The following PAPOLG variants were observed in gnomAD, a reference collection of about 807,000 sequenced individuals.
The protein encoded by PAPOLG is PAP-gamma.
Under a neutral mutation model 99.0 loss-of-function variants are expected in PAPOLG, and 40 were observed. The observed-to-expected ratio is 0.40, with a 90% confidence interval of 0.31 to 0.53. PAPOLG has a LOEUF of 0.53. PAPOLG is among the 20% of genes least tolerant of loss of function. PAPOLG has a pLI of 0.41. For missense variants in PAPOLG, 675 were observed against 884.1 expected (o/e 0.76, Z 3.00); for synonymous variants, 310 against 299.3 (o/e 1.04, Z -0.37).
At chr2:60,778,556 C>T (rs1467645030) in intron 8 of PAPOLG, among the ~76,000 whole-genome samples, 1 of 151,964 alleles carries the variant, frequency 6.6e-6, no homozygotes, top group African/African-American at 2.4e-5. Context: ...GCACAACTCT[C>T]AGTATACTAA....
chr2:60,760,053 T>C, intron 1 of PAPOLG, 81 bp from the exon 2 acceptor site: 2 of 1,374,258 alleles, frequency 1.5e-6, no homozygotes. Context: ...TAAATTAACA[T>C]GAGTAGATTG....
chr2:60,764,809 T>C (rs1420510709), intron 3 of PAPOLG, among the ~76,000 whole-genome samples: 1 of 152,204 alleles, frequency 6.6e-6, no homozygotes, highest in African/African-American at 2.4e-5. Context: ...AACAGTGGGC[T>C]CAGAATAAAG....
chr2:60,779,856 A>G (rs1312724937), intron 9 of PAPOLG, 81 bp downstream of exon 9: 16 of 1,213,636 alleles, frequency 1.3e-5, no homozygotes, highest in East Asian at 2.4e-5. Context: ...AGAGCTATAC[A>G]TAGACTTTTT....
At chr2:60,760,690 C>T (rs1174258928) in intron 2 of PAPOLG, among the ~76,000 whole-genome samples, 1 of 152,120 alleles carries the variant, frequency 6.6e-6, no homozygotes, top group Non-Finnish European at 1.5e-5. Flanking sequence ...GCAAGATACC[C>T]TGGGTGTCTG....
chr2:60,781,083 T>C (rs1671173619), intron 10 of PAPOLG, among the ~76,000 whole-genome samples: 1 of 152,176 alleles, frequency 6.6e-6, no homozygotes, highest in African/African-American at 2.4e-5. Flanking sequence ...TGGCTGGGCA[T>C]GATGGTTCAC....
At chr2:60,792,825 C>T (rs1232519934) in intron 17 of PAPOLG, among the ~76,000 whole-genome samples, 5 of 152,182 alleles carry the variant, frequency 3.3e-5, no homozygotes, top group African/African-American at 1.2e-4. Flanking sequence ...CACCTGAGGT[C>T]AGGAGTTCGA....
Position 60,799,529 on chromosome 2 carries a change from G to T in PAPOLG, c.*2369G>T, listed in dbSNP as rs1671800912. 1.3e-5 allele frequency: 2 copies of T among 152,358 alleles called. No individual in the cohort carries two copies. The allele number at this position is 152,358 out of a possible 1,614,324, so 9.4% of individuals were successfully genotyped here. A position where few individuals can be genotyped will look rare whatever the true frequency, so the allele number is the denominator to read the frequency against. On this transcript the variant is annotated 3_prime_UTR_variant, in exon 22 of 22. Coordinates refer to ENST00000238714, the MANE Select transcript of PAPOLG (RefSeq NM_022894.4). ...GTTAACTTGGTGGGAAGCTTCCATT[G>T]TACTAGTTCCAAGTAAAAAAGGAGA...
intron 1 of PAPOLG, among the ~76,000 whole-genome samples, chr2:60,759,040 T>C (rs748262944): frequency 6.6e-6 from 1 of 152,184 alleles, no homozygotes; most frequent in Non-Finnish European, 1.5e-5. Flanking sequence ...AGAATTTATT[T>C]TGAAGTTGAT....
chr2:60,782,678 T>TTTTTTTTTTTTTTTTTTTTTTTTA lies in PAPOLG; in HGVS notation c.1028-8_1028-7insTTTTTTTTTTTTTTTTTTTTTTTA. On this transcript the variant is annotated splice_polypyrimidine_tract_variant and splice_region_variant and intron_variant, in intron 11 of 21. Transcript: ENST00000238714. ...CTTTTTTTTTTTTTTTTTTTTTTTT[T>TTTTTTTTTTTTTTTTTTTTTTTTA]AATTTAGGTCTTGCAGTCACAGATG... 2 of 1,379,938 alleles carry TTTTTTTTTTTTTTTTTTTTTTTTA rather than the reference T, an allele frequency of 1.4e-6. No individual in the cohort carries two copies. Among genetic ancestry groups the TTTTTTTTTTTTTTTTTTTTTTTTA allele is most frequent in the Non-Finnish European group, 9.4e-7 (1 of 1,061,938 alleles). 85.5% of individuals were successfully genotyped at this position (1,379,938 alleles called of 1,614,324 possible).
chr2:60,758,355 T>C (rs1057282032), intron 1 of PAPOLG, among the ~76,000 whole-genome samples: 1 of 120,014 alleles, frequency 8.3e-6, no homozygotes, highest in Non-Finnish European at 1.7e-5. Context: ...TTTTTTTGAG[T>C]CATTTTGGAA....
chr2:60,764,433 T>C (rs76170658), intron 3 of PAPOLG, among the ~76,000 whole-genome samples: 3 of 151,584 alleles, frequency 2.0e-5, no homozygotes, highest in Admixed American at 1.3e-4. Flanking sequence ...TTTTTTTTTT[T>C]GGCGATGGGC....
In PAPOLG at chr2:60,793,730, T is replaced by G; in HGVS notation, c.1768+15T>G. 1 of 1,601,728 alleles carries G rather than the reference T, an allele frequency of 6.2e-7. No individual in the cohort carries two copies. Among genetic ancestry groups the G allele is most frequent in the Non-Finnish European group, 8.5e-7 (1 of 1,173,872 alleles). On this transcript the variant is annotated intron_variant, in intron 18 of 21. Coordinates refer to ENST00000238714, the MANE Select transcript of PAPOLG (RefSeq NM_022894.4). ...GATTGGCGCAAGTAGGTATCTAAAC[T>G]TGTATATATTAATAATTATATTTAC...
chr2:60,774,016 C>G (rs1670935094), intron 7 of PAPOLG, among the ~76,000 whole-genome samples: 1 of 152,144 alleles, frequency 6.6e-6, no homozygotes, highest in African/African-American at 2.4e-5. Context: ...CTTTCCCCAC[C>G]TTTATTTTTA....
intron 14 of PAPOLG, 142 bp downstream of exon 14, chr2:60,787,208 G>T (rs1671388997): frequency 1.2e-6 from 1 of 836,664 alleles, no homozygotes; most frequent in Non-Finnish European, 1.8e-6. Flanking sequence ...GAGTGTCTAG[G>T]CATTAAAAAT....
chr2:60,771,731 A>G (rs1190433807), intron 7 of PAPOLG, 101 bp downstream of exon 7: 49 of 1,295,086 alleles, frequency 3.8e-5, no homozygotes, highest in Non-Finnish European at 4.8e-5. Context: ...GATTGGACTC[A>G]GTTTAAAATG....
At chr2:60,776,128 A>T (rs1291411031) in intron 8 of PAPOLG, among the ~76,000 whole-genome samples, 1 of 152,216 alleles carries the variant, frequency 6.6e-6, no homozygotes, top group Non-Finnish European at 1.5e-5. Flanking sequence ...TATAGAATAG[A>T]TGCTGTATTA....
Position 60,768,461 on chromosome 2 carries a change from T to C in PAPOLG, c.247-9T>C. On this transcript the variant is annotated splice_polypyrimidine_tract_variant and intron_variant, in intron 3 of 21. Transcript: ENST00000238714. Reference sequence around the variant, plus strand: ...ATAATTGAATGTCTTCCGCTTAATTTTATTTTAGAACCTCCCACCTTCTGT... The same window carrying C: ...ATAATTGAATGTCTTCCGCTTAATTCTATTTTAGAACCTCCCACCTTCTGT... 1 of 1,612,708 alleles carries C rather than the reference T, an allele frequency of 6.2e-7. No individual in the cohort carries two copies. The highest frequency in any genetic ancestry group is 8.5e-7 in the Non-Finnish European group (1 of 1,179,450).
At chr2:60,789,831 T>G (rs1197948536) in intron 15 of PAPOLG, among the ~76,000 whole-genome samples, 2 of 152,226 alleles carry the variant, frequency 1.3e-5, no homozygotes, top group Non-Finnish European at 2.9e-5. Flanking sequence ...GGCTCACGCC[T>G]GTAATCCCAG....
chr2:60,767,764 G>C (rs72881976), intron 3 of PAPOLG, among the ~76,000 whole-genome samples: 18,293 of 152,218 alleles, frequency 0.12, 1,105 homozygotes, highest in African/African-American at 0.15. Context: ...GGGGATATGG[G>C]ATTGGCCAAG....
Sources: gnomAD v4.1 joint callset for allele counts (sites outside exome capture counted in the v4.1 genomes callset) on GRCh38, gnomAD v4.1.1 for gene constraint, MANE v1.5 for transcripts, NCBI Gene and HGNC (gene_info 2026-07-23, HGNC 2026-07-21) for gene names.